Variants in SLC25A48 observed in about 807,000 individuals in gnomAD.
SLC25A48 encodes solute carrier family 25 member 48.
A neutral mutation model predicts 32.2 loss-of-function variants in SLC25A48; 29 were observed. The ratio of observed to expected loss-of-function variants is 0.90; its 90% confidence interval spans 0.67 to 1.23. The LOEUF (loss-of-function observed/expected upper bound fraction) is 1.23. Among genes scored for constraint, SLC25A48 ranks in the 50% most tolerant of loss-of-function variants. The pLI is 0.00. For synonymous variants in SLC25A48, 164 were observed against 172.3 expected (o/e 0.95, Z 0.38); for missense variants, 399 against 422.7 (o/e 0.94, Z 0.49).
chr5:135,749,127 T>A, intron 3 of SLC25A48, among the ~76,000 whole-genome samples: 1 of 152,148 alleles, frequency 6.6e-6, no homozygotes, highest in South Asian at 2.1e-4. Context: ...TCACTTTAGA[T>A]CTCTCTTTTG....
At chr5:135,834,978 G>A in intron 1 of SLC25A48, 85 bp downstream of exon 1, 1 of 1,471,464 alleles carries the variant, frequency 6.8e-7, no homozygotes. Flanking sequence ...CTTTGCCTCT[G>A]TGCGCTGCCA....
chr5:135,732,031 A>G (rs1755237557), intron 3 of SLC25A48, among the ~76,000 whole-genome samples: 1 of 152,264 alleles, frequency 6.6e-6, no homozygotes, highest in South Asian at 2.1e-4. Flanking sequence ...GGCCTAATAA[A>G]AAGGAGTGTC....
chr5:135,641,108 A>G (rs1752827486), intron 3 of SLC25A48, among the ~76,000 whole-genome samples: 1 of 152,232 alleles, frequency 6.6e-6, no homozygotes, highest in Non-Finnish European at 1.5e-5. Context: ...ATCTACAGAA[A>G]AAAATACTGG....
chr5:135,878,868 T>A (rs1762235032), intron 6 of SLC25A48, among the ~76,000 whole-genome samples: 2 of 152,118 alleles, frequency 1.3e-5, no homozygotes, highest in South Asian at 4.1e-4. Flanking sequence ...AAAGGCCAGC[T>A]CCTCCCCACA....
chr5:135,713,605 C>T (rs952554501), intron 3 of SLC25A48, among the ~76,000 whole-genome samples: 3 of 152,188 alleles, frequency 2.0e-5, no homozygotes, highest in Non-Finnish European at 1.5e-5. Flanking sequence ...GTAGCAGTAC[C>T]GATGCTCCAA....
intron 3 of SLC25A48, among the ~76,000 whole-genome samples, chr5:135,674,804 TAA>T (rs1411886062): frequency 6.6e-6 from 1 of 152,042 alleles, no homozygotes; most frequent in Non-Finnish European, 1.5e-5. Flanking sequence ...AGGGCTACAA[TAA>T]ACATGCATGT....
intron 3 of SLC25A48, among the ~76,000 whole-genome samples, chr5:135,786,630 A>C (rs1383866276): frequency 3.3e-5 from 5 of 152,004 alleles, no homozygotes; most frequent in Admixed American, 1.3e-4. Flanking sequence ...ACCCCTAGTG[A>C]TACTAATTGT....
At chr5:135,795,855 A>T (rs1757156833) in intron 3 of SLC25A48, among the ~76,000 whole-genome samples, 1 of 134,690 alleles carries the variant, frequency 7.4e-6, no homozygotes, top group South Asian at 2.5e-4. Flanking sequence ...ATATCGCTGG[A>T]GTTGTACATC....
chr5:135,802,273 A>C (rs1318812252), intron 3 of SLC25A48, among the ~76,000 whole-genome samples: 1 of 151,796 alleles, frequency 6.6e-6, no homozygotes, highest in Non-Finnish European at 1.5e-5. Context: ...CTGTGATATT[A>C]TCTGTAATAT....
chr5:135,690,481 A>T (rs1754120043), intron 3 of SLC25A48, among the ~76,000 whole-genome samples: 1 of 152,158 alleles, frequency 6.6e-6, no homozygotes, highest in Non-Finnish European at 1.5e-5. Flanking sequence ...TTGGAGTAAA[A>T]CATGAGTGAT....
At chr5:135,836,807 G>A (rs1758546896) in intron 1 of SLC25A48, among the ~76,000 whole-genome samples, 1 of 152,160 alleles carries the variant, frequency 6.6e-6, no homozygotes, top group Non-Finnish European at 1.5e-5. Context: ...GAGATACAGA[G>A]AAATTCACTG....
chr5:135,805,896 T>C (rs961788955), intron 3 of SLC25A48, among the ~76,000 whole-genome samples: 2 of 151,736 alleles, frequency 1.3e-5, no homozygotes, highest in African/African-American at 4.8e-5. Flanking sequence ...TTATTTGTAA[T>C]ATCTTAGGGA....
At chr5:135,642,580 A>G (rs1752864551) in intron 3 of SLC25A48, among the ~76,000 whole-genome samples, 1 of 152,246 alleles carries the variant, frequency 6.6e-6, no homozygotes, top group East Asian at 1.9e-4. Context: ...TATGCTGGCT[A>G]CATTGTTTTC....
intron 3 of SLC25A48, among the ~76,000 whole-genome samples, chr5:135,730,948 C>T (rs550237486): frequency 7.9e-5 from 12 of 152,262 alleles, no homozygotes; most frequent in African/African-American, 1.2e-4. Context: ...TGAGATCTTC[C>T]GGCCCCAACC....
chr5:135,797,718 A>AC (rs1757221895), intron 3 of SLC25A48, among the ~76,000 whole-genome samples: 1 of 151,420 alleles, frequency 6.6e-6, no homozygotes, highest in South Asian at 2.1e-4. Context: ...AGAAAGTGTA[A>AC]ACCCCCCCCG....
intron 4 of SLC25A48, among the ~76,000 whole-genome samples, chr5:135,857,605 A>T (rs1185830038): frequency 2.6e-5 from 4 of 152,264 alleles, no homozygotes; most frequent in Non-Finnish European, 5.9e-5. Flanking sequence ...GGTGAACAAA[A>T]GACTGCATCC....
At chr5:135,686,480 C>T (rs1489836837) in intron 3 of SLC25A48, among the ~76,000 whole-genome samples, 2 of 152,212 alleles carry the variant, frequency 1.3e-5, no homozygotes, top group East Asian at 3.9e-4. Context: ...GTAGTCTCCT[C>T]AGTGAAGCCT....
intron 3 of SLC25A48, among the ~76,000 whole-genome samples, chr5:135,778,146 C>A (rs558369895): frequency 6.6e-6 from 1 of 151,474 alleles, no homozygotes; most frequent in Admixed American, 6.6e-5. Flanking sequence ...TACATGCGCC[C>A]CGTGGTATTG....
chr5:135,715,576 G>C (rs953276897), intron 3 of SLC25A48, among the ~76,000 whole-genome samples: 2 of 152,212 alleles, frequency 1.3e-5, no homozygotes, highest in African/African-American at 2.4e-5. Context: ...GGCTGTGACC[G>C]GTCAGAGGTG....
Sources: allele counts gnomAD v4.1 joint callset (sites outside exome capture counted in the v4.1 genomes callset), GRCh38; gene constraint gnomAD v4.1.1; transcripts MANE v1.5; gene names NCBI Gene and HGNC (gene_info 2026-07-23, HGNC 2026-07-21).